The following IQGAP2 variants were observed in gnomAD, a reference collection of about 807,000 sequenced individuals.
The protein encoded by IQGAP2 is ras GTPase-activating-like protein IQGAP2.
IQGAP2 carries 173 observed loss-of-function variants against 201.3 expected under a neutral mutation model. That is an observed-to-expected ratio of 0.86 (90% CI 0.76 to 0.98). IQGAP2 has a LOEUF of 0.98. Among genes scored for constraint, IQGAP2 ranks in the 50% least tolerant of loss-of-function variants. IQGAP2 has a pLI of 0.00. For synonymous variants in IQGAP2, 675 were observed against 673.9 expected, an observed-to-expected ratio of 1.00 and a Z score of -0.03; for missense variants, 1,687 against 1,864.8, an observed-to-expected ratio of 0.90 and a Z score of 1.76.
Position 76,611,141 on chromosome 5 carries a change from CTACCAGGATGTTTTA to C in IQGAP2, c.1485_1499del (p.Gln495_Tyr499del). On this transcript the variant is annotated inframe_deletion, in exon 13 of 36. Coordinates refer to ENST00000274364, the MANE Select transcript of IQGAP2 (RefSeq NM_006633.5). ...ATGTGGACCCAGCCCATGCCCAGCA[CTACCAGGATGTTTTA>C]TACCATGCTAAATCACAGAAACTCG... The C allele has an allele frequency of 6.2e-7, 1 of 1,613,868 alleles. No homozygotes were observed. Among genetic ancestry groups the C allele is most frequent in the Non-Finnish European group, 8.5e-7 (1 of 1,179,898 alleles).
chr5:76,563,659 C>T (rs1368739754), intron 3 of IQGAP2, among the ~76,000 whole-genome samples: 1 of 152,084 alleles, frequency 6.6e-6, no homozygotes, highest in East Asian at 1.9e-4. Context: ...AATATGTGAC[C>T]TCTTGTCTGC....
Position 76,652,755 on chromosome 5 carries a change from T to C in IQGAP2, c.2100T>C (p.Phe700=). The change falls in exon 18 of 36, where the codon TTT becomes TTC. Residue 700 remains phenylalanine, a synonymous_variant. Coordinates refer to ENST00000274364, the MANE Select transcript of IQGAP2 (RefSeq NM_006633.5). The part of the protein sequence containing the change: ...QEENVVKIQA[F]WKGYKQRKEY... ...TAACCCACTCTTTTCCTTAGGCTTTTTGGAAAGGATATAAACAACGGAAGG... is the reference window on the plus strand; with the variant it reads ...TAACCCACTCTTTTCCTTAGGCTTTCTGGAAAGGATATAAACAACGGAAGG... The C allele has an allele frequency of 1.9e-6, 3 of 1,607,920 alleles. No homozygotes were observed. The highest frequency in any genetic ancestry group is 2.6e-6 in the Non-Finnish European group (3 of 1,174,302).
At position 76,695,655 on chromosome 5, in the gene IQGAP2, GA is replaced by G; in HGVS notation, c.4196del (p.Glu1399GlyfsTer27). On this transcript the variant is annotated frameshift_variant, in exon 32 of 36. Coordinates refer to ENST00000274364, the MANE Select transcript of IQGAP2 (RefSeq NM_006633.5). LOFTEE classifies it high-confidence loss of function. ...SENKYQDILN[E>X]IAKDIRNQRI... ...AAATAAATACCAAGACATTCTCAAT[GA>G]GATTGCCAAGGTTTTTGGAAACAGT... 1 of 1,613,476 alleles carries G rather than the reference GA, an allele frequency of 6.2e-7. No individual in the cohort carries two copies. Among genetic ancestry groups the G allele is most frequent in the Non-Finnish European group, 8.5e-7 (1 of 1,179,498 alleles).
At chr5:76,627,893 G>A (rs1443636597) in intron 14 of IQGAP2, among the ~76,000 whole-genome samples, 1 of 152,138 alleles carries the variant, frequency 6.6e-6, no homozygotes, top group African/African-American at 2.4e-5. Context: ...CTATGGAGTT[G>A]GCTAGCTGAT....
intron 5 of IQGAP2, among the ~76,000 whole-genome samples, chr5:76,579,498 T>C (rs1745693783): frequency 6.6e-6 from 1 of 152,042 alleles, no homozygotes; most frequent in Non-Finnish European, 1.5e-5. Flanking sequence ...GGTAGGTCTT[T>C]ATTTACAATC....
intron 28 of IQGAP2, among the ~76,000 whole-genome samples, chr5:76,681,089 CAAAAAAAAAAAAAA>C (rs34896356): frequency 7.6e-5 from 4 of 52,952 alleles, no homozygotes; most frequent in African/African-American, 2.4e-4. Flanking sequence ...GACTTTGTCT[CAAAAAAAAAAAAAA>C]AAAAAAAAAA....
At chr5:76,454,426 T>A (rs1753949328) in intron 1 of IQGAP2, among the ~76,000 whole-genome samples, 3 of 150,062 alleles carry the variant, frequency 2.0e-5, no homozygotes, top group South Asian at 4.3e-4. Context: ...TATCTCCTAA[T>A]GCTATCCCTC....
At chr5:76,492,372 G>A (rs377038062) in intron 2 of IQGAP2, among the ~76,000 whole-genome samples, 60 of 152,304 alleles carry the variant, frequency 3.9e-4, no homozygotes, top group East Asian at 1.7e-3. Flanking sequence ...TGCTGGTAGC[G>A]GTCAGAGGCT....
chr5:76,535,576 G>A (rs976218722), intron 2 of IQGAP2, among the ~76,000 whole-genome samples: 3 of 152,150 alleles, frequency 2.0e-5, no homozygotes, highest in South Asian at 2.1e-4. Flanking sequence ...ATTGCTATGC[G>A]GCACGCCCTG....
At chr5:76,583,720 A>G (rs1321272443) in intron 5 of IQGAP2, among the ~76,000 whole-genome samples, 5 of 152,226 alleles carry the variant, frequency 3.3e-5, no homozygotes, top group Admixed American at 3.3e-4. Context: ...ACAATGGAGA[A>G]ATTAAAAATG....
chr5:76,464,316 A>C (rs1754654240), intron 2 of IQGAP2, among the ~76,000 whole-genome samples: 2 of 152,232 alleles, frequency 1.3e-5, no homozygotes, highest in African/African-American at 2.4e-5. Context: ...GTCTTTCTTG[A>C]AAAGATGAGA....
intron 1 of IQGAP2, among the ~76,000 whole-genome samples, chr5:76,441,110 T>C (rs1423082781): frequency 6.6e-6 from 1 of 152,124 alleles, no homozygotes; most frequent in African/African-American, 2.4e-5. Context: ...TACTGCTCAG[T>C]GTCCTTGTGC....
chr5:76,679,862 A>C (rs900832933), intron 28 of IQGAP2, among the ~76,000 whole-genome samples: 78 of 152,246 alleles, frequency 5.1e-4, no homozygotes, highest in Non-Finnish European at 2.5e-4. Context: ...GCTTTAAAAC[A>C]AAGTACCTCT....
intron 32 of IQGAP2, among the ~76,000 whole-genome samples, chr5:76,696,806 A>G (rs1336299416): frequency 6.6e-6 from 1 of 152,228 alleles, no homozygotes; most frequent in Non-Finnish European, 1.5e-5. Flanking sequence ...GGCTATCATG[A>G]AGACATGATA....
chr5:76,623,475 A>G lies in IQGAP2; in HGVS notation c.1522-3935A>G, dbSNP rs1226939166. The G allele has an allele frequency of 3.9e-5, 20 of 506,812 alleles. No homozygotes were observed. The East Asian group carries it at 6.0e-4, about 15-fold the overall frequency. The allele number at this position is 506,812 out of a possible 1,614,324, so 31.4% of individuals were successfully genotyped here. A position where few individuals can be genotyped will look rare whatever the true frequency, so the allele number is the denominator to read the frequency against. On this transcript the variant is annotated intron_variant, in intron 13 of 35. Transcript: ENST00000274364. ...TCTGAACGTGTTACGTTATCCCTGG[A>G]GAAAGGCATTTAACTCTTACCCACC... is the stretch of plus-strand genomic sequence containing the variant.
intron 2 of IQGAP2, among the ~76,000 whole-genome samples, chr5:76,511,829 C>T (rs909239517): frequency 4.6e-5 from 7 of 152,016 alleles, no homozygotes; most frequent in East Asian, 1.9e-4. Flanking sequence ...TACAGGCGCC[C>T]GCCACTACGC....
At chr5:76,474,190 G>A (rs1294017848) in intron 2 of IQGAP2, among the ~76,000 whole-genome samples, 2 of 152,114 alleles carry the variant, frequency 1.3e-5, no homozygotes, top group Non-Finnish European at 1.5e-5. Flanking sequence ...TTGGGATTAG[G>A]ATAAAGGTCT....
chr5:76,598,718 A>C (rs1166834165), intron 10 of IQGAP2, among the ~76,000 whole-genome samples: 2 of 152,180 alleles, frequency 1.3e-5, no homozygotes, highest in African/African-American at 4.8e-5. Flanking sequence ...AAGGATATGA[A>C]CCAAATAGCT....
intron 27 of IQGAP2, among the ~76,000 whole-genome samples, chr5:76,675,499 A>C (rs933474464): frequency 6.6e-6 from 1 of 152,228 alleles, no homozygotes; most frequent in Non-Finnish European, 1.5e-5. Flanking sequence ...ATTTAATTCT[A>C]TTGATTTTGT....
Sources: gnomAD v4.1 joint callset for allele counts (sites outside exome capture counted in the v4.1 genomes callset) on GRCh38, gnomAD v4.1.1 for gene constraint, MANE v1.5 for transcripts, NCBI Gene and HGNC (gene_info 2026-07-23, HGNC 2026-07-21) for gene names.